AP2B1: variants seen among roughly 807,000 people sequenced by gnomAD.
AP2B1 encodes the protein adaptor related protein complex 2 subunit beta 1, also known as AP-2 complex subunit beta.
AP2B1 carries 23 observed loss-of-function variants against 102.0 expected under a neutral mutation model. The observed-to-expected ratio is 0.23, with a 90% CI of 0.16 to 0.32. AP2B1 has a LOEUF of 0.32. Among genes scored for constraint, AP2B1 ranks in the 10% least tolerant of loss-of-function variants. The pLI, the probability that AP2B1 is intolerant of heterozygous loss-of-function variation, is 1.00. For synonymous variants in AP2B1, 381 were observed against 421.2 expected, an observed-to-expected ratio of 0.90 and a Z score of 1.17; for missense variants, 541 against 1,157.4, an observed-to-expected ratio of 0.47 and a Z score of 7.73.
rs71366478 is a variant in AP2B1, at chr17:35,707,134, C to CTTG, written c.2455-2069_2455-2067dup. Among the ~76,000 whole-genome samples the CTTG allele has an allele frequency of 1.5e-3, 226 of 150,960 alleles. 1 individual carries two copies. The highest frequency in any genetic ancestry group is 3.9e-3 in the African/African-American group (161 of 41,136). ...TTGAAAGTAGTGCTCTGGTACATCC[C>CTTG]TTGTTGTTGTTGTTGTTGTTGTTTT... On this transcript the variant is annotated intron_variant, in intron 18 of 21. Transcript: ENST00000610402.
chr17:35,714,970 G>T (rs587617571), intron 20 of AP2B1, among the ~76,000 whole-genome samples: 1 of 152,288 alleles, frequency 6.6e-6, no homozygotes, highest in South Asian at 2.1e-4. Flanking sequence ...ATCTTGTCAA[G>T]AATTCTATCC....
In AP2B1 at chr17:35,616,321, C is replaced by T. The variant is rs570649021; in HGVS notation, c.525+7934C>T. 5.9e-5 allele frequency among the ~76,000 whole-genome samples: 9 copies of T among 151,790 alleles called. No individual in the cohort carries two copies. The South Asian group carries it at 1.3e-3, about 21-fold the overall frequency. On this transcript the variant is annotated intron_variant, in intron 5 of 21. Transcript: ENST00000610402. ...CTGGGACTACAGGCGCCCACCACTA[C>T]GCCTGGCTAATTTTTTTTGTATTTT...
intron 5 of AP2B1, among the ~76,000 whole-genome samples, chr17:35,622,398 A>G (rs550757273): frequency 6.6e-6 from 1 of 152,352 alleles, no homozygotes; most frequent in South Asian, 2.1e-4. Context: ...CACATTCTCT[A>G]GACATTTATC....
intron 14 of AP2B1, among the ~76,000 whole-genome samples, chr17:35,669,855 A>G (rs1260420085): frequency 6.6e-6 from 1 of 152,234 alleles, no homozygotes; most frequent in Non-Finnish European, 1.5e-5. Flanking sequence ...TGATGATTCA[A>G]GGAAGTGTTT....
chr17:35,658,791 T>C (rs984945709), intron 14 of AP2B1, among the ~76,000 whole-genome samples: 16 of 152,214 alleles, frequency 1.1e-4, no homozygotes, highest in Admixed American at 9.8e-4. Context: ...TGGCATCTTC[T>C]CTTCTACTTT....
chr17:35,715,892 C>T (rs1568050186), intron 20 of AP2B1, among the ~76,000 whole-genome samples: 1 of 152,314 alleles, frequency 6.6e-6, no homozygotes, highest in African/African-American at 2.4e-5. Context: ...CTTAGTGCCT[C>T]CTCTCCTGAG....
intron 18 of AP2B1, among the ~76,000 whole-genome samples, chr17:35,688,784 C>T (rs968504941): frequency 2.6e-5 from 4 of 152,016 alleles, no homozygotes; most frequent in Non-Finnish European, 5.9e-5. Context: ...GCCAACTTGA[C>T]GAAACCCTAT....
chr17:35,648,524 GCATACATACATACATACATA>G (rs71366470), intron 12 of AP2B1, among the ~76,000 whole-genome samples: 1 of 150,076 alleles, frequency 6.7e-6, no homozygotes, highest in East Asian at 2.0e-4. Flanking sequence ...CAAAATACAT[GCATACATACATACATACATA>G]CATACATACA....
intron 5 of AP2B1, among the ~76,000 whole-genome samples, chr17:35,617,575 A>G (rs979665414): frequency 6.6e-6 from 1 of 152,206 alleles, no homozygotes; most frequent in African/African-American, 2.4e-5. Context: ...TAAGAGTACT[A>G]CTTACTACTT....
intron 5 of AP2B1, 100 bp from the exon 6 acceptor site, chr17:35,624,297 G>A: frequency 1.9e-6 from 2 of 1,070,880 alleles, no homozygotes; most frequent in Non-Finnish European, 1.4e-6. Context: ...GAATGGTTAT[G>A]AATTGAGATC....
intron 21 of AP2B1, among the ~76,000 whole-genome samples, chr17:35,718,552 G>A (rs782594337): frequency 6.6e-6 from 1 of 151,920 alleles, no homozygotes; most frequent in Non-Finnish European, 1.5e-5. Context: ...GTTTCTGGAG[G>A]GACAAGTTTT....
At chr17:35,622,792 G>A (rs59639438) in intron 5 of AP2B1, among the ~76,000 whole-genome samples, 96 of 152,262 alleles carry the variant, frequency 6.3e-4, no homozygotes, top group African/African-American at 2.2e-3. Flanking sequence ...AGCCTCCTGA[G>A]TAGCTGGGAT....
In AP2B1 at chr17:35,599,503, GT is replaced by G. The variant is rs566607461; in HGVS notation, c.143+1172del. 3.7e-4 allele frequency among the ~76,000 whole-genome samples: 57 copies of G among 152,322 alleles called. 1 individual carries two copies. Among genetic ancestry groups the G allele is most frequent in the Admixed American group, 3.6e-3 (55 of 15,300 alleles). On this transcript the variant is annotated intron_variant, in intron 3 of 21. Coordinates refer to ENST00000610402, the MANE Select transcript of AP2B1 (RefSeq NM_001030006.2). The stretch of plus-strand genomic sequence containing the variant: ...AAATTAATGATTGTGATTATTTGCT[GT>G]TTTATAATGAAATGTGTCAGCATAG...
intron 17 of AP2B1, among the ~76,000 whole-genome samples, chr17:35,680,733 G>A (rs587735375): frequency 1.5e-5 from 2 of 131,042 alleles, no homozygotes; most frequent in East Asian, 4.7e-4. Flanking sequence ...GTCTTGCTCT[G>A]TCGCCCAGCC....
chr17:35,664,729 A>G (rs936060874), intron 14 of AP2B1, among the ~76,000 whole-genome samples: 1 of 152,226 alleles, frequency 6.6e-6, no homozygotes, highest in Non-Finnish European at 1.5e-5. Context: ...CAACCTTACG[A>G]AACAGTCCTT....
chr17:35,653,939 C>T (rs958251959), intron 13 of AP2B1, among the ~76,000 whole-genome samples: 9 of 152,096 alleles, frequency 5.9e-5, no homozygotes, highest in African/African-American at 1.7e-4. Flanking sequence ...TTTTTCCTGT[C>T]GTCCTTCTAG....
At chr17:35,714,836 A>G (rs780425439) in intron 20 of AP2B1, among the ~76,000 whole-genome samples, 1 of 152,224 alleles carries the variant, frequency 6.6e-6, no homozygotes. Flanking sequence ...GCCTCAGATG[A>G]TATCATCAGC....
At chr17:35,718,098 T>TTA (rs1368884940) in intron 21 of AP2B1, among the ~76,000 whole-genome samples, 1 of 152,148 alleles carries the variant, frequency 6.6e-6, no homozygotes, top group East Asian at 1.9e-4. Context: ...TTTGAGGGTT[T>TTA]TATGGGGATC....
chr17:35,588,932 A>G (rs2072993621), intron 1 of AP2B1, among the ~76,000 whole-genome samples: 1 of 152,224 alleles, frequency 6.6e-6, no homozygotes, highest in Admixed American at 6.5e-5. Context: ...TTGAAATACT[A>G]ACTTTTTAGG....
Sources: allele counts gnomAD v4.1 joint callset (sites outside exome capture counted in the v4.1 genomes callset), GRCh38; gene constraint gnomAD v4.1.1; transcripts MANE v1.5; gene names NCBI Gene and HGNC (gene_info 2026-07-23, HGNC 2026-07-21).